Variants in GRID2 observed in about 807,000 individuals in gnomAD.
GRID2 encodes the protein glutamate receptor ionotropic, delta-2.
Under a neutral mutation model 114.8 loss-of-function variants are expected in GRID2, and 33 were observed. The observed-to-expected ratio is 0.29, with a 90% CI of 0.22 to 0.38. The LOEUF (loss-of-function observed/expected upper bound fraction) is 0.38. GRID2 is among the 10% of genes least tolerant of loss of function. The pLI is 1.00. For synonymous variants in GRID2, 505 were observed against 449.9 expected (o/e 1.12, Z -1.55); for missense variants, 1,184 against 1,257.7 (o/e 0.94, Z 0.89).
At chr4:93,299,739 C>T (rs1754675236) in intron 8 of GRID2, among the ~76,000 whole-genome samples, 1 of 151,452 alleles carries the variant, frequency 6.6e-6, no homozygotes, top group East Asian at 2.1e-4. Flanking sequence ...ATCTGGATTT[C>T]TTTAACCTTC....
intron 1 of GRID2, among the ~76,000 whole-genome samples, chr4:92,359,582 C>G (rs1363133934): frequency 6.6e-6 from 1 of 151,978 alleles, no homozygotes; most frequent in African/African-American, 2.4e-5. Flanking sequence ...TACTCTTTCT[C>G]CCCTTCTTAC....
At chr4:93,249,470 G>C (rs933692262) in intron 8 of GRID2, among the ~76,000 whole-genome samples, 7 of 152,106 alleles carry the variant, frequency 4.6e-5, no homozygotes, top group Non-Finnish European at 8.8e-5. Context: ...TGGGCAGCAT[G>C]GCCAACTTCA....
chr4:93,774,846 C>T (rs1362490584), downstream of GRID2, among the ~76,000 whole-genome samples: 1 of 151,814 alleles, frequency 6.6e-6, no homozygotes, highest in Non-Finnish European at 1.5e-5. Context: ...AAGATTTATC[C>T]TGTTTCATGT....
intron 4 of GRID2, among the ~76,000 whole-genome samples, chr4:93,122,554 G>A (rs1198791150): frequency 6.6e-6 from 1 of 152,096 alleles, no homozygotes; most frequent in East Asian, 1.9e-4. Context: ...GATCACAAAA[G>A]TTCGTGATGC....
chr4:93,045,123 G>A (rs1726005202), intron 2 of GRID2, among the ~76,000 whole-genome samples: 1 of 152,102 alleles, frequency 6.6e-6, no homozygotes, highest in East Asian at 1.9e-4. Flanking sequence ...TACGCAAGCT[G>A]GAGAAAATCT....
At chr4:92,643,869 T>C (rs1258415099) in intron 2 of GRID2, among the ~76,000 whole-genome samples, 1 of 151,850 alleles carries the variant, frequency 6.6e-6, no homozygotes, top group Non-Finnish European at 1.5e-5. Context: ...TGATGAGAAA[T>C]TCAATCTAAT....
intron 2 of GRID2, among the ~76,000 whole-genome samples, chr4:93,051,292 T>C (rs887711102): frequency 6.6e-6 from 1 of 152,092 alleles, no homozygotes; most frequent in African/African-American, 2.4e-5. Context: ...TAAAAGCAGT[T>C]GCTTTTGCTG....
chr4:92,635,492 T>A (rs547838858), intron 2 of GRID2, among the ~76,000 whole-genome samples: 1 of 152,164 alleles, frequency 6.6e-6, no homozygotes, highest in East Asian at 1.9e-4. Context: ...TTCGGAAAGT[T>A]TTTTTTTCCT....
chr4:92,979,463 C>T (rs1156734443), intron 2 of GRID2, among the ~76,000 whole-genome samples: 1 of 151,978 alleles, frequency 6.6e-6, no homozygotes, highest in African/African-American at 2.4e-5. Context: ...AATCTCAGGT[C>T]GTTTTTCAGG....
downstream of GRID2, among the ~76,000 whole-genome samples, chr4:93,776,464 T>G (rs1015402282): frequency 6.6e-6 from 1 of 152,242 alleles, no homozygotes; most frequent in Non-Finnish European, 1.5e-5. Context: ...GAGAACCTAT[T>G]ATTTTGAAAG....
intron 1 of GRID2, among the ~76,000 whole-genome samples, chr4:92,528,000 CAA>C (rs961767923): frequency 4.6e-5 from 7 of 151,808 alleles, no homozygotes; most frequent in Admixed American, 2.0e-4. Flanking sequence ...AAGATAAAAA[CAA>C]TGATATTTTT....
chr4:93,794,374 C>T (rs1244678716), intron 1 of GRID2, among the ~76,000 whole-genome samples: 1 of 152,178 alleles, frequency 6.6e-6, no homozygotes, highest in Non-Finnish European at 1.5e-5. Context: ...CCCAGGGACA[C>T]TTTAATAACC....
chr4:93,149,071 C>T (rs941571900), intron 4 of GRID2, among the ~76,000 whole-genome samples: 6 of 151,960 alleles, frequency 3.9e-5, no homozygotes, highest in African/African-American at 1.4e-4. Flanking sequence ...TCTACACAGT[C>T]CTGAGGAAAT....
intron 8 of GRID2, among the ~76,000 whole-genome samples, chr4:93,262,206 T>G (rs1249852852): frequency 6.6e-6 from 1 of 151,984 alleles, no homozygotes; most frequent in African/African-American, 2.4e-5. Flanking sequence ...GTCAAAAATT[T>G]GACCAGTTAC....
At chr4:93,170,541 G>C (rs1339863844) in intron 4 of GRID2, among the ~76,000 whole-genome samples, 1 of 152,152 alleles carries the variant, frequency 6.6e-6, no homozygotes, top group Non-Finnish European at 1.5e-5. Context: ...TTCTCTACCA[G>C]ACAGTTCCTG....
intron 1 of GRID2, among the ~76,000 whole-genome samples, chr4:92,388,057 G>A (rs1730060527): frequency 6.6e-6 from 1 of 151,926 alleles, no homozygotes; most frequent in African/African-American, 2.4e-5. Context: ...ACCGTTGTTG[G>A]ACATAATATT....
intron 1 of GRID2, among the ~76,000 whole-genome samples, chr4:92,348,339 T>TTA (rs2110177551): frequency 6.6e-6 from 1 of 152,344 alleles, no homozygotes; most frequent in South Asian, 2.1e-4. Flanking sequence ...CCAAGCATTT[T>TTA]ACATAAACCA....
At chr4:92,359,828 C>T (rs1387955809) in intron 1 of GRID2, among the ~76,000 whole-genome samples, 2 of 152,018 alleles carry the variant, frequency 1.3e-5, no homozygotes, top group South Asian at 2.1e-4. Context: ...TTTTCCTAGG[C>T]AATTTCCCTT....
At chr4:93,703,800 C>T (rs916182846) in intron 14 of GRID2, among the ~76,000 whole-genome samples, 2 of 152,044 alleles carry the variant, frequency 1.3e-5, no homozygotes, top group African/African-American at 4.8e-5. Context: ...CCACCTTCAT[C>T]CATGTCCCTA....
Sources: gnomAD v4.1 joint callset for allele counts (sites outside exome capture counted in the v4.1 genomes callset) on GRCh38, gnomAD v4.1.1 for gene constraint, MANE v1.5 for transcripts, NCBI Gene and HGNC (gene_info 2026-07-23, HGNC 2026-07-21) for gene names.